CAMK1D: variants seen among roughly 807,000 people sequenced by gnomAD.
CAMK1D encodes calcium/calmodulin-dependent protein kinase type 1D.
CAMK1D carries 9 observed loss-of-function variants against 47.7 expected under a neutral mutation model. The ratio of observed to expected loss-of-function variants is 0.19; its 90% CI spans 0.11 to 0.33. CAMK1D has a LOEUF of 0.33. Among genes scored for constraint, CAMK1D ranks in the 10% least tolerant of loss-of-function variants. The probability of loss-of-function intolerance (pLI) is 1.00; values close to 1 mark genes in which losing one functional copy is unlikely to be tolerated. For missense variants in CAMK1D, 291 were observed against 488.7 expected (o/e 0.60, Z 3.81); for synonymous variants, 184 against 184.9 (o/e 0.99, Z 0.04).
At chr10:12,550,068 A>C (rs1435480150) in intron 1 of CAMK1D, among the ~76,000 whole-genome samples, 1 of 152,184 alleles carries the variant, frequency 6.6e-6, no homozygotes, top group Non-Finnish European at 1.5e-5. Flanking sequence ...TGGAGAGTGG[A>C]GCGAGGGGCA....
At chr10:12,488,869 C>T (rs528834885) in intron 1 of CAMK1D, among the ~76,000 whole-genome samples, 3 of 152,316 alleles carry the variant, frequency 2.0e-5, no homozygotes, top group East Asian at 3.9e-4. Context: ...GGATGGGGAG[C>T]GGCTGTAAAT....
chr10:12,478,026 G>A (rs1833952757), intron 1 of CAMK1D, among the ~76,000 whole-genome samples: 2 of 142,976 alleles, frequency 1.4e-5, no homozygotes, highest in African/African-American at 2.6e-5. Context: ...TTTTTTTGGA[G>A]ACAGAGTCTT....
intron 1 of CAMK1D, among the ~76,000 whole-genome samples, chr10:12,520,935 AGAGGGAGAGGGAGGGGGAGGGG>A (rs1835392149): frequency 1.2e-4 from 1 of 8,496 alleles, no homozygotes; most frequent in East Asian, 4.4e-3. Context: ...GACCGTGGGG[AGAGGGAGAGGGAGGGGGAGGGG>A]GAGGGGGAGG....
intron 3 of CAMK1D, among the ~76,000 whole-genome samples, chr10:12,693,571 G>T (rs1833019719): frequency 6.6e-6 from 1 of 151,924 alleles, no homozygotes; most frequent in Non-Finnish European, 1.5e-5. Context: ...TGTCGAGGCT[G>T]CAGTGAGCTA....
intron 1 of CAMK1D, among the ~76,000 whole-genome samples, chr10:12,446,888 C>T (rs897390936): frequency 1.8e-4 from 27 of 152,110 alleles, no homozygotes; most frequent in African/African-American, 5.8e-4. Context: ...ATTCTTTGAT[C>T]TTTTCTGAGA....
intron 6 of CAMK1D, among the ~76,000 whole-genome samples, chr10:12,799,625 C>T (rs1838344279): frequency 6.6e-6 from 1 of 152,168 alleles, no homozygotes; most frequent in Non-Finnish European, 1.5e-5. Context: ...ATCCACCCCT[C>T]GTGAGAACTA....
chr10:12,544,311 GA>G (rs964245825), intron 1 of CAMK1D, among the ~76,000 whole-genome samples: 5 of 151,950 alleles, frequency 3.3e-5, no homozygotes, highest in African/African-American at 1.2e-4. Flanking sequence ...GTCACAACTT[GA>G]AAAAAATGCA....
chr10:12,458,880 C>CTTT (rs35804649), intron 1 of CAMK1D, among the ~76,000 whole-genome samples: 2 of 120,680 alleles, frequency 1.7e-5, no homozygotes, highest in Non-Finnish European at 3.5e-5. Flanking sequence ...CCTTTCTTTC[C>CTTT]TTTTTTTTTT....
chr10:12,713,748 G>A (rs936960726), intron 3 of CAMK1D, among the ~76,000 whole-genome samples: 2 of 152,214 alleles, frequency 1.3e-5, no homozygotes, highest in Non-Finnish European at 2.9e-5. Context: ...CTGGATGGAT[G>A]CCCCACAGCC....
chr10:12,357,882 C>CT (rs200446395), intron 1 of CAMK1D, among the ~76,000 whole-genome samples: 5,008 of 151,156 alleles, frequency 0.033, 105 homozygotes, highest in Non-Finnish European at 0.05. Context: ...CTTTTCTTTT[C>CT]TTTTTTTTTG....
intron 1 of CAMK1D, among the ~76,000 whole-genome samples, chr10:12,547,947 G>A (rs933413022): frequency 6.6e-6 from 1 of 152,170 alleles, no homozygotes. Context: ...CTGGATGTGC[G>A]GGCTCGGAGC....
At chr10:12,669,322 T>C (rs1392413425) in intron 3 of CAMK1D, among the ~76,000 whole-genome samples, 1 of 152,086 alleles carries the variant, frequency 6.6e-6, no homozygotes, top group East Asian at 1.9e-4. Context: ...GGAATTAGGG[T>C]GGGATTAACT....
intron 1 of CAMK1D, among the ~76,000 whole-genome samples, chr10:12,476,844 TGGA>T (rs1833917159): frequency 6.6e-6 from 1 of 152,170 alleles, no homozygotes; most frequent in Non-Finnish European, 1.5e-5. Flanking sequence ...ATCTGTACAC[TGGA>T]GGAAACCCAG....
intron 3 of CAMK1D, among the ~76,000 whole-genome samples, chr10:12,684,437 C>T (rs1832572250): frequency 6.6e-6 from 1 of 151,866 alleles, no homozygotes; most frequent in African/African-American, 2.4e-5. Context: ...GAAGAACAGG[C>T]TCCAGGTATT....
chr10:12,627,350 G>A (rs1839250283), intron 2 of CAMK1D, among the ~76,000 whole-genome samples: 1 of 152,074 alleles, frequency 6.6e-6, no homozygotes, highest in African/African-American at 2.4e-5. Flanking sequence ...CTCCCAAAGT[G>A]CTGGGATTAC....
intron 1 of CAMK1D, among the ~76,000 whole-genome samples, chr10:12,420,405 C>T (rs1166007508): frequency 6.6e-6 from 1 of 152,196 alleles, no homozygotes; most frequent in African/African-American, 2.4e-5. Context: ...GTTCTTACTA[C>T]TTTATGAATT....
Position 12,607,192 on chromosome 10 carries a change from G to T in CAMK1D, c.224+53836G>T, listed in dbSNP as rs566223332. Among the ~76,000 whole-genome samples the T allele has an allele frequency of 5.6e-4, 86 of 152,296 alleles. 1 individual carries two copies. The highest frequency in any genetic ancestry group is 9.3e-4 in the Non-Finnish European group (63 of 68,022). On this transcript the variant is annotated intron_variant, in intron 2 of 10. Transcript: ENST00000619168. ...CCATACGTGCAGCCACCTGCCAGTGGAGTGAATGCCCATTTATGCTTCTTT... is the reference window on the plus strand; with the variant it reads ...CCATACGTGCAGCCACCTGCCAGTGTAGTGAATGCCCATTTATGCTTCTTT...
chr10:12,828,848 G>A lies in CAMK1D; in HGVS notation c.1119G>A (p.Arg373=), dbSNP rs139959998. ...VSGVGAERRP[R]PTTVTAVHSG... is the part of the protein sequence containing the mutation. The stretch of plus-strand genomic sequence containing the variant: ...GAGTTGGAGCCGAGCGGAGACCCAG[G>A]CCCACCACTGTGACGGCAGTGCACT... Residue 373 remains arginine (R), a synonymous_variant, in exon 11 of 11, where the codon AGG becomes AGA. Transcript: ENST00000619168. 5.3e-5 allele frequency: 85 copies of A among 1,613,536 alleles called. No homozygotes were observed. Among genetic ancestry groups the A allele is most frequent in the Admixed American group, 4.0e-4 (24 of 60,004 alleles).
chr10:12,667,207 A>G (rs1317473375), intron 3 of CAMK1D, among the ~76,000 whole-genome samples: 1 of 152,166 alleles, frequency 6.6e-6, no homozygotes, highest in African/African-American at 2.4e-5. Flanking sequence ...CTTTCCAGGG[A>G]TGCCGGGGGA....
Sources: allele counts gnomAD v4.1 joint callset (sites outside exome capture counted in the v4.1 genomes callset), GRCh38; gene constraint gnomAD v4.1.1; transcripts MANE v1.5; gene names NCBI Gene and HGNC (gene_info 2026-07-23, HGNC 2026-07-21).